SLC33A1: variants seen among roughly 807,000 people sequenced by gnomAD.
SLC33A1 encodes the protein acetyl-coenzyme A transporter 1.
SLC33A1 carries 20 observed loss-of-function variants against 50.0 expected under a neutral mutation model. The ratio of observed to expected loss-of-function variants is 0.40; its 90% confidence interval spans 0.28 to 0.58. The LOEUF (loss-of-function observed/expected upper bound fraction) is 0.58, where lower values mean the gene tolerates loss of function less well. Among genes scored for constraint, SLC33A1 ranks in the 20% least tolerant of loss-of-function variants. The probability of loss-of-function intolerance (pLI) is 0.44; values close to 1 mark genes in which losing one functional copy is unlikely to be tolerated. For synonymous variants in SLC33A1, 265 were observed against 251.8 expected (o/e 1.05, Z -0.50); for missense variants, 476 against 657.0 (o/e 0.72, Z 3.01).
intron 4 of SLC33A1, 144 bp from the exon 5 acceptor site, chr3:155,830,047 T>C: frequency 1.5e-6 from 1 of 650,132 alleles, no homozygotes; most frequent in East Asian, 2.8e-5. Flanking sequence ...ATCAAGCACC[T>C]ACTATAGGCC....
At chr3:155,837,966 G>T (rs1008888693) in intron 2 of SLC33A1, among the ~76,000 whole-genome samples, 2 of 152,096 alleles carry the variant, frequency 1.3e-5, no homozygotes, top group Non-Finnish European at 2.9e-5. Context: ...AAGCAATTCA[G>T]CAATCATATT....
chr3:155,833,717 G>C, intron 3 of SLC33A1, 132 bp from the exon 4 acceptor site: 3 of 937,236 alleles, frequency 3.2e-6, no homozygotes, highest in Non-Finnish European at 3.5e-6. Flanking sequence ...AAAGATAAAA[G>C]TGCATATAAA....
In SLC33A1 at chr3:155,853,887, G is replaced by C. The variant is rs748708839; in HGVS notation, c.111C>G (p.Asp37Glu). Residue 37 changes from aspartate (D) to glutamate (E), a missense_variant, in exon 1 of 6, where the codon GAC (aspartate) becomes GAG (glutamate). Asp to Glu is a conservative substitution (Grantham distance 45, BLOSUM62 2). Coordinates refer to ENST00000643144, the MANE Select transcript of SLC33A1 (RefSeq NM_004733.4). ...CCCGGCCCGCTGAGTCCAAATGACT[G>C]TCATCCCAACCGCCTGGCGGCAGGG... ...SGPLPPGGWD[D>E]SHLDSAGREG... is the part of the protein sequence containing the mutation. 2 of 1,557,484 alleles carry C rather than the reference G, an allele frequency of 1.3e-6. No homozygotes were observed. The highest frequency in any genetic ancestry group is 2.7e-5 in the African/African-American group (2 of 72,780).
chr3:155,830,174 T>C (rs1318227393), intron 4 of SLC33A1, among the ~76,000 whole-genome samples: 7 of 144,384 alleles, frequency 4.8e-5, no homozygotes, highest in South Asian at 4.3e-4. Flanking sequence ...CCATCCTGGC[T>C]AACACGGTGA....
At chr3:155,829,074 TG>T (rs1752306094) in intron 5 of SLC33A1, among the ~76,000 whole-genome samples, 1 of 151,970 alleles carries the variant, frequency 6.6e-6, no homozygotes, top group Non-Finnish European at 1.5e-5. Flanking sequence ...GCTAATTTTT[TG>T]TATTTTAGTA....
At chr3:155,835,406 A>C (rs889902052) in intron 2 of SLC33A1, among the ~76,000 whole-genome samples, 10 of 152,214 alleles carry the variant, frequency 6.6e-5, no homozygotes, top group Non-Finnish European at 1.2e-4. Context: ...TTCCCTTCTA[A>C]CAAAAAGCGG....
In SLC33A1 at chr3:155,821,183, C is replaced by T. The variant is rs759809219; in HGVS notation, c.*7027G>A. ...CTTTTAATAAATTAACCAAATATAA[C>T]TAACAGTTCAGATATACTCAAAACA... On this transcript the variant is annotated 3_prime_UTR_variant, in exon 6 of 6. Transcript: ENST00000643144. The T allele has an allele frequency of 6.6e-6, 1 of 152,110 alleles. No individual in the cohort carries two copies. The allele number at this position is 152,110 out of a possible 1,614,324, so 9.4% of individuals were successfully genotyped here. A position where few individuals can be genotyped will look rare whatever the true frequency, so the allele number is the denominator to read the frequency against.
At position 155,833,880 on chromosome 3, in the gene SLC33A1, T is replaced by C; in HGVS notation, c.1125A>G (p.Thr375=). Residue 375 remains threonine (T), a synonymous_variant, in exon 3 of 6, where the codon ACA becomes ACG. Transcript: ENST00000643144. The part of the protein sequence containing the change: ...KYTAGPQPLN[T]FYKAMPYRLL... ...ACCTGTAGGGCATGGCTTTGTAAAA[T>C]GTGTTTAATGGCTGGGGACCTGCAG... The C allele has an allele frequency of 6.2e-7, 1 of 1,613,864 alleles. No individual in the cohort carries two copies. The highest frequency in any genetic ancestry group is 1.3e-5 in the African/African-American group (1 of 75,048).
chr3:155,836,304 A>G (rs1392703926), intron 2 of SLC33A1, among the ~76,000 whole-genome samples: 3 of 142,202 alleles, frequency 2.1e-5, no homozygotes, highest in African/African-American at 5.4e-5. Context: ...AAAAAAAAAA[A>G]AAAAAAAAAG....
chr3:155,836,318 A>AAG (rs1560015398), intron 2 of SLC33A1, among the ~76,000 whole-genome samples: 1 of 143,160 alleles, frequency 7.0e-6, no homozygotes, highest in African/African-American at 2.7e-5. Flanking sequence ...AAAAAAGGAA[A>AAG]GAAAGAAAAA....
intron 1 of SLC33A1, among the ~76,000 whole-genome samples, chr3:155,846,005 C>T (rs1034377014): frequency 1.3e-5 from 2 of 152,072 alleles, no homozygotes; most frequent in African/African-American, 4.8e-5. Context: ...ACATGATTTC[C>T]GAGTAAAGAC....
chr3:155,854,163 C>G lies in SLC33A1; in HGVS notation c.-166G>C, dbSNP rs991499016. 12 of 528,098 alleles carry G rather than the reference C, an allele frequency of 2.3e-5. No individual in the cohort carries two copies. The highest frequency in any genetic ancestry group is 3.9e-5 in the Non-Finnish European group (12 of 308,876). 32.7% of individuals were successfully genotyped at this position (528,098 alleles called of 1,614,324 possible). On this transcript the variant is annotated 5_prime_UTR_variant, in exon 1 of 6. Transcript: ENST00000643144. ...GCACTTCTTACTGCAGCCCGGAGTG[C>G]TGAAGCCGGGAGCCAGTCCTCTGGC...
In SLC33A1 at chr3:155,847,751, A is replaced by AAAATAAATAAATAAAT. The variant is rs10652179; in HGVS notation, c.776-5148_776-5133dup. On this transcript the variant is annotated intron_variant, in intron 1 of 5. Transcript: ENST00000643144. The stretch of plus-strand genomic sequence containing the variant: ...TGACAAGTGCAAAACTCCGTCTCAA[A>AAAATAAATAAATAAAT]AAATAAATAAATAAATAAATAAATA... Among the ~76,000 whole-genome samples, 14 of 149,196 alleles carry AAAATAAATAAATAAAT rather than the reference A, an allele frequency of 9.4e-5. No individual in the cohort carries two copies. The South Asian group carries it at 1.3e-3, about 13-fold the overall frequency.
rs2109301289 is a variant in SLC33A1, at chr3:155,827,693, T to C, written c.*517A>G. Reference sequence around the variant, plus strand: ...AATAACTAAAATGACATTTCAGTAGTCTATATTCTTTTCTCAGCAAATTCC... The same window carrying C: ...AATAACTAAAATGACATTTCAGTAGCCTATATTCTTTTCTCAGCAAATTCC... On this transcript the variant is annotated 3_prime_UTR_variant, in exon 6 of 6. Transcript: ENST00000643144. 6.5e-6 allele frequency: 1 copy of C among 153,968 alleles called. No homozygotes were observed. Among genetic ancestry groups the C allele is most frequent in the Admixed American group, 6.4e-5 (1 of 15,506 alleles). 9.5% of individuals were successfully genotyped at this position (153,968 alleles called of 1,614,324 possible).
chr3:155,839,246 G>A (rs1752826324), intron 2 of SLC33A1, among the ~76,000 whole-genome samples: 1 of 142,924 alleles, frequency 7.0e-6, no homozygotes, highest in African/African-American at 2.5e-5. Context: ...AGGATGCAGT[G>A]AGCCAAGATC....
Position 155,828,136 on chromosome 3 carries a change from G to A in SLC33A1, c.*74C>T. On this transcript the variant is annotated 3_prime_UTR_variant, in exon 6 of 6. Transcript: ENST00000643144. ...TTAAAATAATATTTTATACTCCTGT[G>A]CACTGATTATCATTGCTCTCCGAAT... 1 of 1,024,838 alleles carries A rather than the reference G, an allele frequency of 9.8e-7. No homozygotes were observed. The highest frequency in any genetic ancestry group is 1.6e-6 in the Non-Finnish European group (1 of 642,646). 63.5% of individuals were successfully genotyped at this position (1,024,838 alleles called of 1,614,324 possible). A position where few individuals can be genotyped will look rare whatever the true frequency, so the allele number is the denominator to read the frequency against.
chr3:155,830,729 T>C (rs1752393832), intron 4 of SLC33A1, among the ~76,000 whole-genome samples: 1 of 152,112 alleles, frequency 6.6e-6, no homozygotes, highest in Admixed American at 6.6e-5. Flanking sequence ...CATATTTATA[T>C]GTATGCATTT....
At position 155,822,644 on chromosome 3, in the gene SLC33A1, A is replaced by T. The variant is rs1405354111; in HGVS notation, c.*5566T>A. ...ATTGTACCTGTACCTTGTGCATTTC[A>T]GTCATGCCATTTAATCATTATTCTT... On this transcript the variant is annotated 3_prime_UTR_variant, in exon 6 of 6. Transcript: ENST00000643144. 1 of 152,012 alleles carries T rather than the reference A, an allele frequency of 6.6e-6. No homozygotes were observed. Among genetic ancestry groups the T allele is most frequent in the African/African-American group, 2.4e-5 (1 of 41,418 alleles). 9.4% of individuals were successfully genotyped at this position (152,012 alleles called of 1,614,324 possible).
chr3:155,835,338 G>C (rs1041521121), intron 2 of SLC33A1, among the ~76,000 whole-genome samples: 5 of 152,188 alleles, frequency 3.3e-5, no homozygotes, highest in Admixed American at 2.0e-4. Flanking sequence ...TATCGATACA[G>C]TAGGCAGAAA....
Sources: allele counts gnomAD v4.1 joint callset (sites outside exome capture counted in the v4.1 genomes callset), GRCh38; gene constraint gnomAD v4.1.1; transcripts MANE v1.5; gene names NCBI Gene and HGNC (gene_info 2026-07-23, HGNC 2026-07-21).